FSHR: variants seen among roughly 807,000 people sequenced by gnomAD.
FSHR encodes the protein follicle-stimulating hormone receptor.
In FSHR, 46 loss-of-function variants were observed where a neutral mutation model predicts 52.1. The observed-to-expected ratio is 0.88, with a 90% CI of 0.70 to 1.13. The LOEUF is 1.13. FSHR is among the 50% of genes most tolerant of loss of function. The probability of loss-of-function intolerance (pLI) is 0.00; values close to 1 mark genes in which losing one functional copy is unlikely to be tolerated. For synonymous variants in FSHR, 399 were observed against 309.6 expected (o/e 1.29, Z -3.03); for missense variants, 964 against 834.6 (o/e 1.16, Z -1.91).
chr2:49,128,833 C>T (rs1310295908), intron 1 of FSHR, among the ~76,000 whole-genome samples: 1 of 152,048 alleles, frequency 6.6e-6, no homozygotes, highest in East Asian at 1.9e-4. Context: ...ACTCCTTAAT[C>T]TTTGAAGAAT....
At chr2:48,991,880 G>A (rs1392277548) in intron 4 of FSHR, among the ~76,000 whole-genome samples, 2 of 152,112 alleles carry the variant, frequency 1.3e-5, no homozygotes, top group Admixed American at 6.5e-5. Flanking sequence ...AACACTCATT[G>A]ATATATATTA....
intron 4 of FSHR, among the ~76,000 whole-genome samples, chr2:49,016,575 G>A (rs1208195049): frequency 2.0e-5 from 3 of 152,150 alleles, no homozygotes; most frequent in Non-Finnish European, 2.9e-5. Flanking sequence ...CCAACATCCA[G>A]TTGATCTGCC....
intron 4 of FSHR, chr2:48,997,104 T>G (rs866107597): frequency 9.5e-6 from 4 of 420,384 alleles, no homozygotes; most frequent in African/African-American, 4.3e-5. Flanking sequence ...GAAAAAGGTC[T>G]TCAACTTAAG....
intron 1 of FSHR, among the ~76,000 whole-genome samples, chr2:49,080,511 A>T (rs1392574733): frequency 1.3e-5 from 2 of 152,224 alleles, no homozygotes; most frequent in African/African-American, 4.8e-5. Flanking sequence ...TTAAAATGAA[A>T]AAAGGAGTAA....
chr2:49,002,638 C>G (rs1666940334), intron 4 of FSHR, among the ~76,000 whole-genome samples: 1 of 152,056 alleles, frequency 6.6e-6, no homozygotes, highest in Non-Finnish European at 1.5e-5. Flanking sequence ...GTCAGAAGAA[C>G]AGCATGGGGG....
chr2:49,047,742 G>A (rs1668712820), intron 2 of FSHR, among the ~76,000 whole-genome samples: 1 of 152,156 alleles, frequency 6.6e-6, no homozygotes, highest in Non-Finnish European at 1.5e-5. Flanking sequence ...TCCTTACTGG[G>A]AAAGAAGAAT....
At chr2:49,076,965 T>C (rs1255224015) in intron 1 of FSHR, among the ~76,000 whole-genome samples, 2 of 152,142 alleles carry the variant, frequency 1.3e-5, no homozygotes, top group Non-Finnish European at 2.9e-5. Context: ...CTTTGCAGGG[T>C]ACAGCCTCCC....
At chr2:49,045,524 G>C (rs1476176942) in intron 2 of FSHR, among the ~76,000 whole-genome samples, 1 of 152,224 alleles carries the variant, frequency 6.6e-6, no homozygotes, top group Non-Finnish European at 1.5e-5. Context: ...CATGTCACTA[G>C]AATGTTAATT....
chr2:49,073,754 A>C (rs771530602), intron 1 of FSHR, among the ~76,000 whole-genome samples: 4 of 152,136 alleles, frequency 2.6e-5, no homozygotes, highest in Non-Finnish European at 5.9e-5. Flanking sequence ...AAAAAGAACA[A>C]AATTATATGC....
At chr2:48,987,420 C>A (rs2104088030) in intron 6 of FSHR, among the ~76,000 whole-genome samples, 1 of 151,952 alleles carries the variant, frequency 6.6e-6, no homozygotes, top group East Asian at 1.9e-4. Flanking sequence ...CTGTATTAGA[C>A]AGGATTGCCT....
At chr2:49,119,261 T>C (rs945793859) in intron 1 of FSHR, among the ~76,000 whole-genome samples, 70 of 152,190 alleles carry the variant, frequency 4.6e-4, no homozygotes, top group African/African-American at 1.6e-3. Flanking sequence ...TTCAAAGTGA[T>C]TTTTTGTTAC....
chr2:49,008,854 G>A (rs1376287749), intron 4 of FSHR, among the ~76,000 whole-genome samples: 5 of 149,768 alleles, frequency 3.3e-5, no homozygotes, highest in South Asian at 2.1e-4. Context: ...CATGTCCTTC[G>A]CCCACTTTTT....
chr2:49,021,916 G>GAGAGAA (rs1667739341), intron 2 of FSHR, among the ~76,000 whole-genome samples: 1 of 128,348 alleles, frequency 7.8e-6, no homozygotes, highest in African/African-American at 3.0e-5. Context: ...GAGAGAGAGA[G>GAGAGAA]AGAGAATGAA....
intron 2 of FSHR, among the ~76,000 whole-genome samples, chr2:49,052,494 C>A (rs1668900659): frequency 6.6e-6 from 1 of 152,140 alleles, no homozygotes; most frequent in Non-Finnish European, 1.5e-5. Flanking sequence ...ATGCTTAGAC[C>A]TCGTCCTGGA....
rs1359315892 is a variant in FSHR, at chr2:49,068,288, C to T, written c.155G>A (p.Arg52Lys). The change falls in exon 2 of 10, where the codon AGG (arginine) becomes AAG (lysine). Residue 52 changes from arginine (R) to lysine (K), a missense_variant and splice_region_variant. Transcript: ENST00000406846. Reference sequence around the variant, plus strand: ...GACTCGAAGCTTGGTGAGGACAAACCTCCTGCAAAGAGAGTAGAAATAAAA... The same window carrying T: ...GACTCGAAGCTTGGTGAGGACAAACTTCCTGCAAAGAGAGTAGAAATAAAA... ...SDLPRNAIEL[R>K]FVLTKLRVIQ... 4 of 1,610,974 alleles carry T rather than the reference C, an allele frequency of 2.5e-6. No individual in the cohort carries two copies. Among genetic ancestry groups the T allele is most frequent in the Non-Finnish European group, 3.4e-6 (4 of 1,178,072 alleles).
chr2:49,007,214 C>A (rs183800734), intron 4 of FSHR, among the ~76,000 whole-genome samples: 1 of 151,928 alleles, frequency 6.6e-6, no homozygotes, highest in East Asian at 1.9e-4. Context: ...TAGCTAAGCA[C>A]GAAAAGTATA....
chr2:48,986,446 C>T (rs1180029522), intron 6 of FSHR, among the ~76,000 whole-genome samples: 1 of 126,878 alleles, frequency 7.9e-6, no homozygotes, highest in Non-Finnish European at 1.6e-5. Flanking sequence ...GGGAAGAAAA[C>T]ACCCCTGCAT....
chr2:49,091,801 T>G (rs1670622535), intron 1 of FSHR, among the ~76,000 whole-genome samples: 1 of 152,344 alleles, frequency 6.6e-6, no homozygotes, highest in South Asian at 2.1e-4. Flanking sequence ...GTCTTTAAAT[T>G]GGTTAACATG....
chr2:48,962,527 C>G lies in FSHR; in HGVS notation c.*206G>C, dbSNP rs954968763. The G allele has an allele frequency of 1.0e-5, 6 of 593,464 alleles. No homozygotes were observed. The highest frequency in any genetic ancestry group is 8.9e-6 in the Non-Finnish European group (3 of 336,022). 36.8% of individuals were successfully genotyped at this position (593,464 alleles called of 1,614,324 possible). ...AAAATATGTAATACAGTATTGCATT[C>G]TTTAATTATTATTGTTGTTACTAAT... On this transcript the variant is annotated 3_prime_UTR_variant, in exon 10 of 10. Transcript: ENST00000406846.
Sources: allele counts gnomAD v4.1 joint callset (sites outside exome capture counted in the v4.1 genomes callset), GRCh38; gene constraint gnomAD v4.1.1; transcripts MANE v1.5; gene names NCBI Gene and HGNC (gene_info 2026-07-23, HGNC 2026-07-21).